Variants in AHI1 observed in about 807,000 individuals in gnomAD.
AHI1 encodes the protein jouberin.
AHI1 carries 123 observed loss-of-function variants against 149.3 expected under a neutral mutation model. The observed-to-expected ratio is 0.82, with a 90% CI of 0.71 to 0.96. The LOEUF is 0.96. Ranked by LOEUF, AHI1 falls within the 40% of genes least tolerant of loss-of-function variation. The pLI is 0.00. For missense variants in AHI1, 1,439 were observed against 1,422.7 expected (o/e 1.01, Z -0.18); for synonymous variants, 475 against 459.8 (o/e 1.03, Z -0.42).
At chr6:135,371,508 G>A (rs1030484958) in intron 23 of AHI1, among the ~76,000 whole-genome samples, 3 of 151,976 alleles carry the variant, frequency 2.0e-5, no homozygotes, top group Non-Finnish European at 2.9e-5. Context: ...ATCTTTTCCC[G>A]GGACTTGATA....
chr6:135,469,171 C>T (rs568033690), intron 5 of AHI1, among the ~76,000 whole-genome samples: 43 of 152,276 alleles, frequency 2.8e-4, no homozygotes, highest in African/African-American at 1.0e-3. Flanking sequence ...ACCATCAAGT[C>T]AGCTTCATCC....
At chr6:135,399,921 A>C (rs1779777862) in intron 22 of AHI1, among the ~76,000 whole-genome samples, 1 of 151,996 alleles carries the variant, frequency 6.6e-6, no homozygotes, top group Non-Finnish European at 1.5e-5. Context: ...CTCTTCTTTT[A>C]GGTCCAGGGG....
At chr6:135,316,755 C>G (rs1786015588) in intron 26 of AHI1, among the ~76,000 whole-genome samples, 1 of 152,122 alleles carries the variant, frequency 6.6e-6, no homozygotes, top group Non-Finnish European at 1.5e-5. Context: ...TATAATAGAA[C>G]TAACACACTA....
chr6:135,318,400 A>C (rs1176935920), intron 26 of AHI1, 119 bp downstream of exon 26: 6 of 729,010 alleles, frequency 8.2e-6, no homozygotes, highest in Non-Finnish European at 1.4e-5. Context: ...GTTTGTACCA[A>C]GACATAAAAA....
At chr6:135,439,332 T>C (rs558796121) in intron 14 of AHI1, among the ~76,000 whole-genome samples, 1 of 152,248 alleles carries the variant, frequency 6.6e-6, no homozygotes, top group African/African-American at 2.4e-5. Context: ...GTCTCCAGCA[T>C]GTGAATTATC....
At chr6:135,490,883 C>T in intron 4 of AHI1, 136 bp from the exon 5 acceptor site, 1 of 1,085,768 alleles carries the variant, frequency 9.2e-7, no homozygotes, top group Non-Finnish European at 1.3e-6. Context: ...ACTCACCTAT[C>T]TTTCCTTCTT....
intron 5 of AHI1, among the ~76,000 whole-genome samples, chr6:135,476,910 A>G (rs1052906843): frequency 3.9e-5 from 6 of 152,162 alleles, no homozygotes; most frequent in Non-Finnish European, 7.4e-5. Flanking sequence ...TTATTTGCCA[A>G]TCTGACACTT....
intron 5 of AHI1, 92 bp from the exon 6 acceptor site, chr6:135,467,726 T>A: frequency 1.1e-6 from 1 of 889,288 alleles, no homozygotes; most frequent in South Asian, 2.2e-5. Context: ...GTGGAATTAT[T>A]GGGAAAATTA....
At chr6:135,409,602 A>G (rs777987227) in intron 21 of AHI1, among the ~76,000 whole-genome samples, 6 of 152,192 alleles carry the variant, frequency 3.9e-5, no homozygotes, top group Non-Finnish European at 8.8e-5. Context: ...GTGAATTTCA[A>G]TTATACTACT....
intron 5 of AHI1, chr6:135,490,204 C>T (rs775295930): frequency 4.8e-5 from 35 of 725,290 alleles, no homozygotes; most frequent in Non-Finnish European, 5.1e-5. Context: ...TATTACCATA[C>T]GGCCATTGAT....
At chr6:135,433,421 T>C (rs895841498) in intron 15 of AHI1, among the ~76,000 whole-genome samples, 165 bp from the exon 16 acceptor site, 2 of 152,078 alleles carry the variant, frequency 1.3e-5, no homozygotes, top group Non-Finnish European at 2.9e-5. Context: ...GATCTCATAT[T>C]TGATGACTGG....
At chr6:135,413,817 C>T (rs1400237748) in intron 20 of AHI1, among the ~76,000 whole-genome samples, 1 of 151,834 alleles carries the variant, frequency 6.6e-6, no homozygotes, top group Non-Finnish European at 1.5e-5. Context: ...TGTGAAAGAC[C>T]TGTATACTGA....
At chr6:135,429,762 G>T in intron 18 of AHI1, 120 bp downstream of exon 18, 1 of 527,204 alleles carries the variant, frequency 1.9e-6, no homozygotes, top group Non-Finnish European at 3.2e-6. Flanking sequence ...ACTGCCAGAT[G>T]TTCCTTGGTG....
At chr6:135,410,407 AT>A (rs1439110275) in intron 21 of AHI1, among the ~76,000 whole-genome samples, 4 of 152,126 alleles carry the variant, frequency 2.6e-5, no homozygotes, top group African/African-American at 9.7e-5. Context: ...AAACCACCTC[AT>A]TTTATAGATG....
At chr6:135,368,486 G>T (rs116988113) in intron 23 of AHI1, among the ~76,000 whole-genome samples, 1 of 152,198 alleles carries the variant, frequency 6.6e-6, no homozygotes, top group Admixed American at 6.5e-5. Flanking sequence ...TACCAGGACA[G>T]GTAGAGAAAG....
At position 135,433,150 on chromosome 6, in the gene AHI1, T is replaced by C; in HGVS notation, c.2143A>G (p.Thr715Ala). 1.9e-6 allele frequency: 3 copies of C among 1,613,198 alleles called. No individual in the cohort carries two copies. Among genetic ancestry groups the C allele is most frequent in the Non-Finnish European group, 2.5e-6 (3 of 1,179,230 alleles). ...FHPAVRELVV[T>A]GCYDSMIRIW... ...CGTATCATGGAATCATAGCATCCTGTAACTACTAGCTCTCTTACAGCTGGA... is the reference window on the plus strand; with the variant it reads ...CGTATCATGGAATCATAGCATCCTGCAACTACTAGCTCTCTTACAGCTGGA... The change falls in exon 16 of 29, where the codon ACA becomes GCA. Residue 715 changes from threonine (T) to alanine (A), a missense_variant. Coordinates refer to ENST00000265602, the MANE Select transcript of AHI1 (RefSeq NM_001134831.2).
intron 26 of AHI1, chr6:135,318,296 T>G (rs1205970518): frequency 1.2e-5 from 5 of 433,454 alleles, no homozygotes; most frequent in African/African-American, 1.0e-4. Context: ...TCACTTAGGC[T>G]GTGACTTGGA....
At chr6:135,411,746 A>G (rs1781625704) in intron 20 of AHI1, among the ~76,000 whole-genome samples, 2 of 152,230 alleles carry the variant, frequency 1.3e-5, no homozygotes, top group African/African-American at 2.4e-5. Flanking sequence ...CATGTCAGGC[A>G]GCATTATAAT....
At chr6:135,349,991 G>T (rs551387966) in intron 24 of AHI1, among the ~76,000 whole-genome samples, 1 of 152,208 alleles carries the variant, frequency 6.6e-6, no homozygotes, top group South Asian at 2.1e-4. Flanking sequence ...ATTTTGAATG[G>T]AATACTGTTG....
Sources: gnomAD v4.1 joint callset for allele counts (sites outside exome capture counted in the v4.1 genomes callset) on GRCh38, gnomAD v4.1.1 for gene constraint, MANE v1.5 for transcripts, NCBI Gene and HGNC (gene_info 2026-07-23, HGNC 2026-07-21) for gene names.